The following RBFOX1 variants were observed in gnomAD, a reference collection of about 807,000 sequenced individuals.
The protein encoded by RBFOX1 is RNA binding protein fox-1 homolog 1.
A neutral mutation model predicts 57.7 loss-of-function variants in RBFOX1; 8 were observed. That is an observed-to-expected ratio of 0.14 (90% confidence interval 0.08 to 0.25). RBFOX1 has a LOEUF of 0.25. RBFOX1 is among the 10% of genes least tolerant of loss of function. RBFOX1 has a pLI of 1.00. For missense variants in RBFOX1, 611 were observed against 548.5 expected, an observed-to-expected ratio of 1.11 and a Z score of -1.14; for synonymous variants, 326 against 222.4, an observed-to-expected ratio of 1.47 and a Z score of -4.15.
chr16:5,602,486 G>C (rs1349690867), downstream of RBFOX1, among the ~76,000 whole-genome samples: 1 of 152,158 alleles, frequency 6.6e-6, no homozygotes, highest in African/African-American at 2.4e-5. Flanking sequence ...GGATTTTGTG[G>C]TGAGGATTTA....
At chr16:5,636,705 C>T (rs867332802) in intron 3 of RBFOX1, among the ~76,000 whole-genome samples, 42 of 152,276 alleles carry the variant, frequency 2.8e-4, no homozygotes, top group Middle Eastern at 3.4e-3. Context: ...CTTGGAAGGG[C>T]CATCTAGGGA....
chr16:7,556,503 A>G (rs1455261851), intron 5 of RBFOX1, among the ~76,000 whole-genome samples: 1 of 152,236 alleles, frequency 6.6e-6, no homozygotes, highest in Non-Finnish European at 1.5e-5. Context: ...GTTTATTTGT[A>G]TAAGCAACTC....
At chr16:7,512,589 T>G (rs974264794) in intron 4 of RBFOX1, among the ~76,000 whole-genome samples, 3 of 152,184 alleles carry the variant, frequency 2.0e-5, no homozygotes, top group African/African-American at 7.2e-5. Flanking sequence ...GAGTCCCATG[T>G]TCCTGGATGC....
intron 4 of RBFOX1, among the ~76,000 whole-genome samples, chr16:7,193,565 A>C (rs1226586287): frequency 2.0e-5 from 3 of 152,238 alleles, no homozygotes; most frequent in Admixed American, 6.5e-5. Flanking sequence ...AGATGCTCTT[A>C]TGAGCATTTT....
intron 11 of RBFOX1, 47 bp from the exon 12 acceptor site, chr16:7,653,768 C>T (rs754341389): frequency 3.8e-6 from 6 of 1,595,592 alleles, no homozygotes; most frequent in East Asian, 2.2e-5. Context: ...GCAGGGTGTG[C>T]ATCTGACAGC....
chr16:6,812,912 G>T (rs1218970096), intron 3 of RBFOX1, among the ~76,000 whole-genome samples: 1 of 152,166 alleles, frequency 6.6e-6, no homozygotes, highest in African/African-American at 2.4e-5. Context: ...GATGTTTCTA[G>T]AGGTCATTGC....
chr16:6,932,792 G>T (rs890415009), intron 3 of RBFOX1, among the ~76,000 whole-genome samples: 6 of 152,164 alleles, frequency 3.9e-5, no homozygotes, highest in Admixed American at 3.9e-4. Flanking sequence ...CAGTTTGGAG[G>T]CATTAAATAT....
At chr16:6,615,954 C>T (rs138838799) in intron 2 of RBFOX1, among the ~76,000 whole-genome samples, 6 of 152,092 alleles carry the variant, frequency 3.9e-5, no homozygotes, top group Admixed American at 6.5e-5. Flanking sequence ...ACAGTGGTAC[C>T]GGTCCCTTGA....
At chr16:7,497,605 A>G (rs1350571478) in intron 4 of RBFOX1, among the ~76,000 whole-genome samples, 1 of 152,210 alleles carries the variant, frequency 6.6e-6, no homozygotes, top group African/African-American at 2.4e-5. Context: ...GCTTATTGTG[A>G]ACCTACTGGG....
chr16:5,857,278 A>G (rs963936368), intron 3 of RBFOX1, among the ~76,000 whole-genome samples: 23 of 152,174 alleles, frequency 1.5e-4, no homozygotes, highest in Non-Finnish European at 2.6e-4. Flanking sequence ...ACAGCACTCC[A>G]AAACAATTAC....
intron 1 of RBFOX1, among the ~76,000 whole-genome samples, chr16:5,277,354 T>C (rs974044434): frequency 2.0e-5 from 3 of 152,148 alleles, no homozygotes; most frequent in African/African-American, 7.2e-5. Flanking sequence ...TTGGGTAAAC[T>C]GCTCTGGCGA....
intron 3 of RBFOX1, among the ~76,000 whole-genome samples, chr16:5,642,080 G>C (rs376067718): frequency 6.6e-6 from 1 of 152,298 alleles, no homozygotes; most frequent in African/African-American, 2.4e-5. Flanking sequence ...TCTGGACTTA[G>C]GGAAAGTCAC....
intron 2 of RBFOX1, among the ~76,000 whole-genome samples, chr16:6,628,001 G>T (rs969704153): frequency 1.3e-5 from 2 of 152,208 alleles, no homozygotes; most frequent in Non-Finnish European, 2.9e-5. Flanking sequence ...GATTGTTACT[G>T]CAGCAGAGCA....
At chr16:7,533,479 G>C (rs990252322) in intron 5 of RBFOX1, among the ~76,000 whole-genome samples, 19 of 151,958 alleles carry the variant, frequency 1.3e-4, no homozygotes, top group Non-Finnish European at 2.5e-4. Flanking sequence ...CTTATGATGG[G>C]GCTATGTCCC....
chr16:7,073,053 G>A (rs1454773384), intron 4 of RBFOX1, among the ~76,000 whole-genome samples: 1 of 152,130 alleles, frequency 6.6e-6, no homozygotes, highest in African/African-American at 2.4e-5. Flanking sequence ...CAGAGGCCAG[G>A]GTAGAGGTAG....
At position 7,295,959 on chromosome 16, in the gene RBFOX1, G is replaced by T. The variant is rs534909239; in HGVS notation, c.28-222188G>T. 7.2e-4 allele frequency among the ~76,000 whole-genome samples: 110 copies of T among 152,266 alleles called. 1 individual carries two copies. Among genetic ancestry groups the T allele is most frequent in the African/African-American group, 2.6e-3 (107 of 41,568 alleles). On this transcript the variant is annotated intron_variant, in intron 4 of 15. Coordinates refer to ENST00000550418, the MANE Select transcript of RBFOX1 (RefSeq NM_018723.4). ...TTGGTTTGCTGCAGTGAACCTGTGGGGGTAAAGAGAATAGTTATTCAAGCC... is the reference window on the plus strand; with the variant it reads ...TTGGTTTGCTGCAGTGAACCTGTGGTGGTAAAGAGAATAGTTATTCAAGCC...
intron 1 of RBFOX1, among the ~76,000 whole-genome samples, chr16:5,297,751 T>G (rs949868549): frequency 1.2e-4 from 18 of 152,232 alleles, no homozygotes; most frequent in African/African-American, 4.3e-4. Context: ...AGGACAAATG[T>G]TACTGGTTGC....
At chr16:6,068,691 G>C (rs72772843) in intron 1 of RBFOX1, among the ~76,000 whole-genome samples, 5 of 152,122 alleles carry the variant, frequency 3.3e-5, no homozygotes, top group Admixed American at 6.6e-5. Flanking sequence ...TCAGGACTCA[G>C]ATCTTATAGA....
chr16:7,489,213 A>C (rs1484118428), intron 4 of RBFOX1, among the ~76,000 whole-genome samples: 1 of 152,138 alleles, frequency 6.6e-6, no homozygotes, highest in African/African-American at 2.4e-5. Context: ...AATTTTAGGG[A>C]ACGTGTAACT....
Sources: gnomAD v4.1 joint callset for allele counts (sites outside exome capture counted in the v4.1 genomes callset) on GRCh38, gnomAD v4.1.1 for gene constraint, MANE v1.5 for transcripts, NCBI Gene and HGNC (gene_info 2026-07-23, HGNC 2026-07-21) for gene names.